PCBP3: variants seen among roughly 807,000 people sequenced by gnomAD.
PCBP3 encodes the protein poly(rC)-binding protein 3.
Under a neutral mutation model 52.7 loss-of-function variants are expected in PCBP3, and 25 were observed. The ratio of observed to expected loss-of-function variants is 0.47; its 90% CI spans 0.35 to 0.66. The LOEUF (loss-of-function observed/expected upper bound fraction) is 0.66, where lower values mean the gene tolerates loss of function less well. Ranked by LOEUF, PCBP3 falls within the 30% of genes least tolerant of loss-of-function variation. The pLI is 0.01. For missense variants in PCBP3, 391 were observed against 490.3 expected (o/e 0.80, Z 1.91); for synonymous variants, 162 against 183.0 (o/e 0.89, Z 0.93).
chr21:45,839,764 G>A (rs2093660631), intron 4 of PCBP3, among the ~76,000 whole-genome samples: 1 of 152,112 alleles, frequency 6.6e-6, no homozygotes, highest in African/African-American at 2.4e-5. Flanking sequence ...TCGGCTCACT[G>A]CAGCCTCCGC....
At chr21:45,794,904 G>C (rs530294219) in intron 4 of PCBP3, among the ~76,000 whole-genome samples, 3 of 151,596 alleles carry the variant, frequency 2.0e-5, no homozygotes, top group Non-Finnish European at 2.9e-5. Context: ...ACTCCAGCCC[G>C]GGCGACAGAG....
chr21:45,867,290 A>C (rs1191168979), intron 5 of PCBP3, among the ~76,000 whole-genome samples: 1 of 152,256 alleles, frequency 6.6e-6, no homozygotes, highest in Non-Finnish European at 1.5e-5. Context: ...CTCGCAGGAC[A>C]GCGATGGAGC....
At chr21:45,930,253 G>C (rs868313375) in intron 14 of PCBP3, among the ~76,000 whole-genome samples, 1 of 151,820 alleles carries the variant, frequency 6.6e-6, no homozygotes, top group Non-Finnish European at 1.5e-5. Flanking sequence ...GTGAAGAGAC[G>C]TCTGCCCACC....
At chr21:45,720,811 G>C (rs928528608) in intron 2 of PCBP3, among the ~76,000 whole-genome samples, 4 of 152,332 alleles carry the variant, frequency 2.6e-5, no homozygotes, top group African/African-American at 9.6e-5. Flanking sequence ...TCATGTTTTA[G>C]ACCAGTTAGT....
rs183974999 is a variant in PCBP3, at chr21:45,914,144, G to A, written c.675+119G>A. 1,151 of 1,538,616 alleles carry A rather than the reference G, an allele frequency of 7.5e-4. 9 individuals carry two copies. The African/African-American group carries it at 0.014, about 19-fold the overall frequency. On this transcript the variant is annotated intron_variant, in intron 12 of 17. Coordinates refer to ENST00000681687, the MANE Select transcript of PCBP3 (RefSeq NM_001384156.1). ...CTTCTCACGTGCACGTCTCCCACCCGTGCTGGAGGCAGAGCTCTTCCACCT... is the reference window on the plus strand; with the variant it reads ...CTTCTCACGTGCACGTCTCCCACCCATGCTGGAGGCAGAGCTCTTCCACCT...
chr21:45,792,126 C>T (rs1012956724), intron 4 of PCBP3, among the ~76,000 whole-genome samples: 38 of 152,286 alleles, frequency 2.5e-4, no homozygotes, highest in Non-Finnish European at 1.9e-4. Context: ...CAGTTGGAGG[C>T]GAGGCCCGGG....
chr21:45,840,277 C>G (rs2093671890), intron 4 of PCBP3, among the ~76,000 whole-genome samples: 1 of 150,898 alleles, frequency 6.6e-6, no homozygotes, highest in East Asian at 2.0e-4. Context: ...ATGGTGAAAC[C>G]CTGTCTCTAC....
At chr21:45,797,034 G>A (rs2091953337) in intron 4 of PCBP3, among the ~76,000 whole-genome samples, 1 of 152,216 alleles carries the variant, frequency 6.6e-6, no homozygotes. Flanking sequence ...CTGGCTCAGT[G>A]CTCATGTTCT....
intron 4 of PCBP3, among the ~76,000 whole-genome samples, chr21:45,799,189 A>G (rs1328982056): frequency 1.3e-5 from 2 of 152,264 alleles, no homozygotes; most frequent in African/African-American, 4.8e-5. Context: ...GGGCCGGAAT[A>G]TAAGTAATTG....
intron 5 of PCBP3, among the ~76,000 whole-genome samples, chr21:45,876,116 A>G (rs1473944940): frequency 6.6e-6 from 1 of 152,174 alleles, no homozygotes; most frequent in African/African-American, 2.4e-5. Context: ...TGTTGTGTGC[A>G]GCACCAGGGC....
intron 3 of PCBP3, among the ~76,000 whole-genome samples, chr21:45,746,221 G>A (rs542630249): frequency 1.8e-5 from 2 of 113,778 alleles, no homozygotes; most frequent in Non-Finnish European, 3.5e-5. Flanking sequence ...TAGCGCACAC[G>A]GTGTTGTCAG....
chr21:45,715,579 C>T (rs2084159644), intron 2 of PCBP3, among the ~76,000 whole-genome samples: 1 of 152,180 alleles, frequency 6.6e-6, no homozygotes, highest in South Asian at 2.1e-4. Flanking sequence ...AAATTGGCTG[C>T]ATCATTTTGC....
At chr21:45,925,470 G>A (rs1191734478) in intron 13 of PCBP3, among the ~76,000 whole-genome samples, 1 of 152,240 alleles carries the variant, frequency 6.6e-6, no homozygotes, top group Non-Finnish European at 1.5e-5. Context: ...GTGGATGATT[G>A]TGATCAAAGT....
At position 45,644,505 on chromosome 21, in the gene PCBP3, G is replaced by A. The variant is rs1004409281; in HGVS notation, c.-279+637G>A. On this transcript the variant is annotated intron_variant, in intron 1 of 17. Transcript: ENST00000681687. Reference sequence around the variant, plus strand: ...ATTGGAAGTCTTGTTTCGTGAAAGAGTTTTTTTCTTTTTTTTGCCTGGTGA... The same window carrying A: ...ATTGGAAGTCTTGTTTCGTGAAAGAATTTTTTTCTTTTTTTTGCCTGGTGA... Among the ~76,000 whole-genome samples the A allele has an allele frequency of 3.3e-4, 35 of 107,432 alleles. 1 individual carries two copies. The highest frequency in any genetic ancestry group is 1.4e-4 in the Non-Finnish European group (7 of 49,140). 70.5% of individuals were successfully genotyped at this position (107,432 alleles called of 152,430 possible). A position where few individuals can be genotyped will look rare whatever the true frequency, so the allele number is the denominator to read the frequency against.
At chr21:45,845,006 T>C (rs1414093045) in intron 4 of PCBP3, among the ~76,000 whole-genome samples, 1 of 152,142 alleles carries the variant, frequency 6.6e-6, no homozygotes, top group East Asian at 1.9e-4. Flanking sequence ...ATTCTTAGAC[T>C]TTTTTACTGG....
chr21:45,898,582 T>C (rs2095910677), intron 6 of PCBP3, among the ~76,000 whole-genome samples: 1 of 62,854 alleles, frequency 1.6e-5, no homozygotes, highest in Non-Finnish European at 3.7e-5. Context: ...CCTCACAGCC[T>C]CCCTCTCCCT....
At chr21:45,689,674 T>G (rs536907094) in intron 2 of PCBP3, among the ~76,000 whole-genome samples, 1 of 152,204 alleles carries the variant, frequency 6.6e-6, no homozygotes, top group East Asian at 1.9e-4. Flanking sequence ...AACTAATAAC[T>G]TTAGCTAAAT....
intron 4 of PCBP3, among the ~76,000 whole-genome samples, chr21:45,820,612 G>C (rs2093104219): frequency 6.6e-6 from 1 of 152,200 alleles, no homozygotes; most frequent in African/African-American, 2.4e-5. Context: ...GGGAAACGTG[G>C]ATTGTGGATA....
At chr21:45,815,714 GTGA>G (rs1374389146) in intron 4 of PCBP3, among the ~76,000 whole-genome samples, 1 of 85,866 alleles carries the variant, frequency 1.2e-5, no homozygotes. Context: ...TGAGTAGTGA[GTGA>G]TGAGTGGTGA....
Sources: allele counts gnomAD v4.1 joint callset (sites outside exome capture counted in the v4.1 genomes callset), GRCh38; gene constraint gnomAD v4.1.1; transcripts MANE v1.5; gene names NCBI Gene and HGNC (gene_info 2026-07-23, HGNC 2026-07-21).